Variants in HIP1R observed in about 807,000 individuals in gnomAD.
HIP1R encodes huntingtin interacting protein 1 related.
A neutral mutation model predicts 144.2 loss-of-function variants in HIP1R; 135 were observed. The ratio of observed to expected loss-of-function variants is 0.94; its 90% confidence interval spans 0.81 to 1.08. HIP1R has a LOEUF of 1.08. Among genes scored for constraint, HIP1R ranks in the 50% least tolerant of loss-of-function variants. The pLI is 0.00. For synonymous variants in HIP1R, 698 were observed against 612.8 expected, an observed-to-expected ratio of 1.14 and a Z score of -2.05; for missense variants, 1,462 against 1,432.8, an observed-to-expected ratio of 1.02 and a Z score of -0.33.
chr12:122,860,797 G>A lies in HIP1R; in HGVS notation c.2766+13G>A, dbSNP rs777474705. The A allele has an allele frequency of 2.6e-5, 42 of 1,610,462 alleles. No individual in the cohort carries two copies. Among genetic ancestry groups the A allele is most frequent in the African/African-American group, 2.5e-4 (19 of 74,838 alleles). Reference sequence around the variant, plus strand: ...GGCGGCCTCCAAGGTGAGCTTGCACGCCGACAGCAGCACACTGGGCTCTGG... The same window carrying A: ...GGCGGCCTCCAAGGTGAGCTTGCACACCGACAGCAGCACACTGGGCTCTGG... On this transcript the variant is annotated intron_variant, in intron 28 of 31. Transcript: ENST00000253083.
intron 7 of HIP1R, 136 bp from the exon 8 acceptor site, chr12:122,853,907 A>T: frequency 9.9e-7 from 1 of 1,014,118 alleles, no homozygotes; most frequent in Non-Finnish European, 1.4e-6. Flanking sequence ...CCAGCACATG[A>T]GGCTCCCGTC....
In HIP1R at chr12:122,855,824, TC is replaced by T. The variant is rs779400644; in HGVS notation, c.1056-3del. On this transcript the variant is annotated splice_region_variant and splice_polypyrimidine_tract_variant and intron_variant, in intron 12 of 31. Transcript: ENST00000253083. ...CTTAACTTGAACCCCAGGACCTCTG[TC>T]CCCAGGGACCTCCAGATTGAGAGCT... is the stretch of plus-strand genomic sequence containing the variant. 1.8e-5 allele frequency: 28 copies of T among 1,529,542 alleles called. No individual in the cohort carries two copies. The highest frequency in any genetic ancestry group is 2.4e-5 in the Non-Finnish European group (27 of 1,133,414). The allele number at this position is 1,529,542 out of a possible 1,614,324, so 94.7% of individuals were successfully genotyped here.
intron 1 of HIP1R, among the ~76,000 whole-genome samples, chr12:122,839,349 C>T (rs1041014125): frequency 1.8e-4 from 27 of 152,358 alleles, no homozygotes; most frequent in African/African-American, 5.1e-4. Context: ...AAACCCTTTA[C>T]TACACTGCAA....
In HIP1R at chr12:122,835,997, G is replaced by T. The variant is rs1177686305; in HGVS notation, c.93+354G>T. Among the ~76,000 whole-genome samples the T allele has an allele frequency of 4.0e-5, 6 of 151,898 alleles. No homozygotes were observed. In the East Asian group the frequency reaches 1.2e-3, roughly 30 times the overall value. On this transcript the variant is annotated intron_variant, in intron 1 of 31. Coordinates refer to ENST00000253083, the MANE Select transcript of HIP1R (RefSeq NM_003959.3). ...GGGGACGGAGATGGGGCCGGGGTTGGGTGTGCGCGAGCCCAGCGCGCCGGG... is the reference window on the plus strand; with the variant it reads ...GGGGACGGAGATGGGGCCGGGGTTGTGTGTGCGCGAGCCCAGCGCGCCGGG...
At chr12:122,859,356 C>CTCTTTCCCA (rs2033691917) in intron 22 of HIP1R, 70 bp from the exon 23 acceptor site, 5 of 1,510,232 alleles carry the variant, frequency 3.3e-6, no homozygotes, top group Non-Finnish European at 4.6e-6. Flanking sequence ...GGTCCCCAAC[C>CTCTTTCCCA]TCTTTCCCAG....
At chr12:122,856,395 T>C in intron 15 of HIP1R, 37 bp from the exon 16 acceptor site, 2 of 1,608,520 alleles carry the variant, frequency 1.2e-6, no homozygotes, top group Non-Finnish European at 8.5e-7. Flanking sequence ...CTCTCGGGGA[T>C]GGCAGCAGAG....
upstream of HIP1R, chr12:122,835,082 C>A: frequency 1.7e-5 from 17 of 1,012,720 alleles, no homozygotes; most frequent in Non-Finnish European, 2.2e-5. Flanking sequence ...GGGAGGGGTT[C>A]CCCCTCCCCC....
At chr12:122,848,209 G>A (rs542490911) in intron 2 of HIP1R, 115 bp downstream of exon 2, 15 of 1,145,906 alleles carry the variant, frequency 1.3e-5, no homozygotes, top group South Asian at 4.0e-5. Flanking sequence ...CACTGAGCCC[G>A]GGGAGGAGGG....
At chr12:122,857,635 T>C (rs1205964593) in intron 18 of HIP1R, 2 of 326,748 alleles carry the variant, frequency 6.1e-6, no homozygotes, top group Non-Finnish European at 1.2e-5. Flanking sequence ...CTCACCTCTG[T>C]TACCCTGTTG....
intron 5 of HIP1R, 192 bp downstream of exon 5, chr12:122,850,147 A>G (rs1265532670): frequency 1.4e-6 from 1 of 693,032 alleles, no homozygotes; most frequent in Admixed American, 2.0e-5. Context: ...AGAACACTTC[A>G]GGCATTTCCG....
rs569499603 is a variant in HIP1R, at chr12:122,856,235, T to C, written c.1313-21T>C. 2.5e-6 allele frequency: 4 copies of C among 1,613,370 alleles called. No homozygotes were observed. In the African/African-American group the frequency reaches 4.0e-5, roughly 16 times the overall value. ...CCTGCCACCCCACACGGGGCATCAC[T>C]GCCCCTCCTCTCGCCCCCAGGGAAG... On this transcript the variant is annotated intron_variant, in intron 14 of 31. Transcript: ENST00000253083.
intron 4 of HIP1R, among the ~76,000 whole-genome samples, chr12:122,849,441 G>A (rs1183348185): frequency 6.6e-6 from 1 of 152,258 alleles, no homozygotes; most frequent in Non-Finnish European, 1.5e-5. Flanking sequence ...ATCCAACCCA[G>A]AACCACTGCC....
At position 122,856,640 on chromosome 12, in the gene HIP1R, G is replaced by C. The variant is rs77688072; in HGVS notation, c.1534G>C (p.Asp512His). 1 of 1,604,766 alleles carries C rather than the reference G, an allele frequency of 6.2e-7. No homozygotes were observed. Among genetic ancestry groups the C allele is most frequent in the East Asian group, 2.2e-5 (1 of 44,610 alleles). ...ESELKLEEKSDQLEKLKRELE... is the reference protein window; with the variant it reads ...ESELKLEEKSHQLEKLKRELE... ...CCTGTCCCAGCTAGAGGAGAAGAGC[G>C]ACCAGCTGGAGAAGCTCAAGAGGGA... Residue 512 changes from aspartate to histidine, a missense_variant, in exon 17 of 32, where the codon GAC (aspartate) becomes CAC (histidine). By Grantham distance (81) the Asp-to-His change is moderately conservative. Around this residue, in one of 2 missense-constraint regions of HIP1R, gnomAD observed 1,112 missense variants for 1,011.7 expected, o/e 1.10. Coordinates refer to ENST00000253083, the MANE Select transcript of HIP1R (RefSeq NM_003959.3).
At chr12:122,861,590 G>C (rs568125163) in intron 31 of HIP1R, 76 bp downstream of exon 31, 22 of 1,569,044 alleles carry the variant, frequency 1.4e-5, no homozygotes, top group Non-Finnish European at 1.8e-5. Context: ...CATGGTGCAC[G>C]TCCCTGGGGA....
intron 1 of HIP1R, among the ~76,000 whole-genome samples, chr12:122,844,721 C>T (rs773476072): frequency 4.6e-5 from 7 of 152,222 alleles, no homozygotes; most frequent in Non-Finnish European, 7.3e-5. Flanking sequence ...TTATGATCTT[C>T]CTTTCTCTAG....
rs1174401158 is a variant in HIP1R at position 122,848,614 on chromosome 12, T to C, written c.300+6T>C. On this transcript the variant is annotated splice_donor_region_variant and intron_variant, in intron 3 of 31. Coordinates refer to ENST00000253083, the MANE Select transcript of HIP1R (RefSeq NM_003959.3). ...TTCGAGACGGGCACCCCAATGTGAGTAGCAGCTGCTGCCTCTGCTCCCCGG... is the reference window on the plus strand; with the variant it reads ...TTCGAGACGGGCACCCCAATGTGAGCAGCAGCTGCTGCCTCTGCTCCCCGG... 3.1e-6 allele frequency: 5 copies of C among 1,607,508 alleles called. No individual in the cohort carries two copies. The highest frequency in any genetic ancestry group is 1.7e-5 in the Admixed American group (1 of 59,784).
chr12:122,845,599 C>G (rs560822796), intron 1 of HIP1R, among the ~76,000 whole-genome samples: 1 of 152,340 alleles, frequency 6.6e-6, no homozygotes, highest in East Asian at 1.9e-4. Context: ...TGTTGAGGAG[C>G]TGGGGGTTCA....
At chr12:122,839,671 A>G (rs975079635) in intron 1 of HIP1R, among the ~76,000 whole-genome samples, 24 of 152,348 alleles carry the variant, frequency 1.6e-4, no homozygotes, top group Middle Eastern at 6.8e-3. Flanking sequence ...TCTAGTAACT[A>G]CTAGAAAAGT....
chr12:122,850,438 G>A (rs1254115795), intron 5 of HIP1R: 1 of 288,056 alleles, frequency 3.5e-6, no homozygotes, highest in Middle Eastern at 1.2e-3. Flanking sequence ...TTCGGTGGCT[G>A]CTGGGTGGGG....
Sources: allele counts gnomAD v4.1 joint callset (sites outside exome capture counted in the v4.1 genomes callset), GRCh38; gene constraint gnomAD v4.1.1; regional missense constraint gnomAD v4.1.1; transcripts MANE v1.5; gene names NCBI Gene and HGNC (gene_info 2026-07-23, HGNC 2026-07-21).